The following ITPR2 variants were observed in gnomAD, a reference collection of about 807,000 sequenced individuals.
ITPR2 encodes inositol 1,4,5-trisphosphate-gated calcium channel ITPR2.
Under a neutral mutation model 317.1 loss-of-function variants are expected in ITPR2, and 207 were observed. The observed-to-expected ratio is 0.65, with a 90% confidence interval of 0.58 to 0.73. ITPR2 has a LOEUF of 0.73. ITPR2 is among the 30% of genes least tolerant of loss of function. ITPR2 has a pLI of 0.00. For synonymous variants in ITPR2, 1,156 were observed against 1,149.1 expected, an observed-to-expected ratio of 1.01 and a Z score of -0.12; for missense variants, 2,613 against 3,284.0, an observed-to-expected ratio of 0.80 and a Z score of 4.99.
rs147950396 is a variant in ITPR2, at chr12:26,458,417, G to A, written c.6343-14767C>T. Among the ~76,000 whole-genome samples, 1,206 of 152,200 alleles carry A rather than the reference G, an allele frequency of 7.9e-3. 13 individuals are homozygous for A. The highest frequency in any genetic ancestry group is 0.028 in the African/African-American group (1,158 of 41,506). ...CCCTGCAACATAGCACACTCAGATC[G>A]GAACAATCAAGAAAGGAAAATACCA... On this transcript the variant is annotated intron_variant, in intron 45 of 56. Coordinates refer to ENST00000381340, the MANE Select transcript of ITPR2 (RefSeq NM_002223.4).
chr12:26,343,979 G>A (rs1037455552), intron 55 of ITPR2, among the ~76,000 whole-genome samples: 4 of 152,222 alleles, frequency 2.6e-5, no homozygotes, highest in East Asian at 1.9e-4. Flanking sequence ...TAAGATGTGC[G>A]ACCTTTAAGA....
At chr12:26,641,507 G>T (rs79556845) in intron 21 of ITPR2, among the ~76,000 whole-genome samples, 4,430 of 151,890 alleles carry the variant, frequency 0.029, 107 homozygotes, top group Non-Finnish European at 0.048. Context: ...AAAATTTCCA[G>T]CAAGCTACAT....
At chr12:26,710,819 C>T (rs959891851) in intron 9 of ITPR2, among the ~76,000 whole-genome samples, 8 of 152,138 alleles carry the variant, frequency 5.3e-5, no homozygotes, top group Non-Finnish European at 1.0e-4. Flanking sequence ...CTATATGACA[C>T]GGGCAATGAA....
At chr12:26,661,275 T>TGGGGG (rs34833740) in intron 15 of ITPR2, among the ~76,000 whole-genome samples, 1 of 8,968 alleles carries the variant, frequency 1.1e-4, no homozygotes, top group African/African-American at 4.3e-4. Flanking sequence ...GGTGTGTGTG[T>TGGGGG]GGGGGGGGGG....
intron 2 of ITPR2, among the ~76,000 whole-genome samples, chr12:26,745,372 C>T (rs1328236512): frequency 6.6e-6 from 1 of 152,204 alleles, no homozygotes; most frequent in Non-Finnish European, 1.5e-5. Context: ...CAAAAGCAAC[C>T]CTTTGCACCA....
chr12:26,339,296 T>C lies in ITPR2; in HGVS notation c.*101A>G. 1.0e-6 allele frequency: 1 copy of C among 1,004,512 alleles called. No individual in the cohort carries two copies. The highest frequency in any genetic ancestry group is 1.5e-6 in the Non-Finnish European group (1 of 659,574). The allele number at this position is 1,004,512 out of a possible 1,614,324, so 62.2% of individuals were successfully genotyped here. On this transcript the variant is annotated 3_prime_UTR_variant, in exon 57 of 57. Transcript: ENST00000381340. ...TCTTGGCACTTGGTTGTTTTTAACT[T>C]TTCAACAATAGGCACTGTTCACTCC... is the stretch of plus-strand genomic sequence containing the variant.
intron 21 of ITPR2, chr12:26,648,648 G>T: frequency 6.6e-6 from 1 of 151,024 alleles, no homozygotes. Flanking sequence ...AAATCATTTA[G>T]ATATCAAAGA....
chr12:26,641,429 C>T (rs1591989379), intron 21 of ITPR2, among the ~76,000 whole-genome samples: 2 of 139,714 alleles, frequency 1.4e-5, no homozygotes, highest in South Asian at 4.7e-4. Context: ...GAAAGAATAT[C>T]AACTGTAAAG....
intron 34 of ITPR2, among the ~76,000 whole-genome samples, chr12:26,573,748 TC>T (rs1358927186): frequency 4.6e-5 from 7 of 152,072 alleles, no homozygotes; most frequent in Admixed American, 1.3e-4. Flanking sequence ...CAGATGAGAC[TC>T]CGAAAGAAGG....
At chr12:26,522,849 G>T (rs920374408) in intron 37 of ITPR2, among the ~76,000 whole-genome samples, 1 of 152,280 alleles carries the variant, frequency 6.6e-6, no homozygotes, top group African/African-American at 2.4e-5. Flanking sequence ...GGCGGGGGGG[G>T]AACCCCACAA....
At chr12:26,672,618 C>A (rs1196810325) in intron 13 of ITPR2, among the ~76,000 whole-genome samples, 2 of 150,792 alleles carry the variant, frequency 1.3e-5, no homozygotes, top group Non-Finnish European at 3.0e-5. Context: ...AAAATTGACA[C>A]CCTAACATCA....
rs76158013 is a variant in ITPR2, at chr12:26,631,998, A to G, written c.2802T>C (p.Ser934=). Residue 934 remains serine (S), a synonymous_variant, in exon 22 of 57, where the codon AGT becomes AGC. Transcript: ENST00000381340. ...VGEMMTQMVL[S]RGSIFPMSVP... is the part of the protein sequence containing the mutation. ...CGCTCATGGGGAAGATGGAGCCTCT[A>G]CTGAGTACCATCTGGGTCATCATCT... The G allele has an allele frequency of 2.9e-4, 462 of 1,611,836 alleles. No individual in the cohort carries two copies. In the African/African-American group the frequency reaches 5.6e-3, roughly 19 times the overall value.
chr12:26,793,001 A>G (rs896859902), intron 1 of ITPR2, among the ~76,000 whole-genome samples: 6 of 152,178 alleles, frequency 3.9e-5, no homozygotes, highest in African/African-American at 1.4e-4. Flanking sequence ...CTGATACTAA[A>G]CTTACAGAAA....
intron 41 of ITPR2, among the ~76,000 whole-genome samples, chr12:26,485,737 A>C (rs560597226): frequency 1.3e-5 from 2 of 152,346 alleles, no homozygotes; most frequent in South Asian, 4.1e-4. Flanking sequence ...GAAAATAATG[A>C]AAGCCCCTTA....
At chr12:26,655,659 T>A in intron 20 of ITPR2, 49 bp downstream of exon 20, 13 of 1,239,700 alleles carry the variant, frequency 1.0e-5, no homozygotes, top group Non-Finnish European at 1.4e-5. Flanking sequence ...CTTCATGAAC[T>A]AAACTACCCA....
At chr12:26,462,004 C>T (rs1942046297) in intron 45 of ITPR2, among the ~76,000 whole-genome samples, 1 of 148,558 alleles carries the variant, frequency 6.7e-6, no homozygotes, top group Admixed American at 6.7e-5. Context: ...TAGTTTGTCA[C>T]AATGGTCTGC....
At chr12:26,673,803 C>G (rs1592023523) in intron 13 of ITPR2, among the ~76,000 whole-genome samples, 6 of 139,856 alleles carry the variant, frequency 4.3e-5, no homozygotes, top group African/African-American at 1.3e-4. Flanking sequence ...ACCCCATTGT[C>G]TCAGCCCAAA....
chr12:26,682,166 A>C, intron 12 of ITPR2, 132 bp from the exon 13 acceptor site: 1 of 680,828 alleles, frequency 1.5e-6, no homozygotes, highest in South Asian at 2.3e-5. Context: ...TCCCACATGC[A>C]TCATCCACTA....
At chr12:26,419,297 C>G in intron 49 of ITPR2, 84 bp from the exon 50 acceptor site, 1 of 1,167,564 alleles carries the variant, frequency 8.6e-7, no homozygotes, top group South Asian at 1.7e-5. Flanking sequence ...TAGTCCATGA[C>G]TTTTTGACAT....
Sources: gnomAD v4.1 joint callset for allele counts (sites outside exome capture counted in the v4.1 genomes callset) on GRCh38, gnomAD v4.1.1 for gene constraint, MANE v1.5 for transcripts, NCBI Gene and HGNC (gene_info 2026-07-23, HGNC 2026-07-21) for gene names.